The following TEC variants were observed in gnomAD, a reference collection of about 807,000 sequenced individuals.
TEC encodes tec protein tyrosine kinase.
In TEC, 72 loss-of-function variants were observed where a neutral mutation model predicts 93.0. The observed-to-expected ratio is 0.77, with a 90% CI of 0.64 to 0.94. The LOEUF (loss-of-function observed/expected upper bound fraction) is 0.94, where lower values mean the gene tolerates loss of function less well. Ranked by LOEUF, TEC falls within the 40% of genes least tolerant of loss-of-function variation. TEC has a pLI of 0.00. For missense variants in TEC, 630 were observed against 757.9 expected, an observed-to-expected ratio of 0.83 and a Z score of 1.98; for synonymous variants, 249 against 247.7, an observed-to-expected ratio of 1.01 and a Z score of -0.05.
At chr4:48,158,079 T>G (rs1176608363) in intron 8 of TEC, among the ~76,000 whole-genome samples, 2 of 152,180 alleles carry the variant, frequency 1.3e-5, no homozygotes, top group Non-Finnish European at 1.5e-5. Flanking sequence ...TCAGCTCAGC[T>G]CCTCTGGACA....
chr4:48,201,146 T>C (rs1339376249), intron 2 of TEC, among the ~76,000 whole-genome samples: 1 of 152,118 alleles, frequency 6.6e-6, no homozygotes, highest in African/African-American at 2.4e-5. Context: ...CAATAGAACC[T>C]GTTGAGAGTC....
intron 2 of TEC, among the ~76,000 whole-genome samples, chr4:48,199,817 C>T (rs994363876): frequency 5.9e-5 from 9 of 152,210 alleles, no homozygotes; most frequent in Non-Finnish European, 1.2e-4. Context: ...GGCAATATTA[C>T]TAACTTTTCT....
chr4:48,260,824 G>A (rs1328493216), intron 1 of TEC, among the ~76,000 whole-genome samples: 2 of 152,192 alleles, frequency 1.3e-5, no homozygotes, highest in African/African-American at 2.4e-5. Context: ...CTAGAACATT[G>A]CTAAAGATTT....
chr4:48,139,543 T>TA (rs1478249418), intron 15 of TEC, among the ~76,000 whole-genome samples: 2 of 152,208 alleles, frequency 1.3e-5, no homozygotes, highest in Non-Finnish European at 2.9e-5. Flanking sequence ...ATGCCACATG[T>TA]AAATGGTGGA....
intron 2 of TEC, among the ~76,000 whole-genome samples, chr4:48,206,776 A>C (rs1227758775): frequency 1.1e-5 from 1 of 94,144 alleles, no homozygotes; most frequent in East Asian, 4.1e-4. Flanking sequence ...CCTCGTTGCT[A>C]CAAAAAAAAA....
In TEC at chr4:48,140,276, C is replaced by T. The variant is rs62298970; in HGVS notation, c.1535+1079G>A. 3.4e-3 allele frequency among the ~76,000 whole-genome samples: 525 copies of T among 152,296 alleles called. 4 individuals are homozygous for T. Among genetic ancestry groups the T allele is most frequent in the Non-Finnish European group, 6.1e-3 (414 of 68,008 alleles). On this transcript the variant is annotated intron_variant, in intron 15 of 17. Transcript: ENST00000381501. ...TGGCCAGCTACCCTGGCGCTTTTTC[C>T]GTTCCTTGAGCAGGCCAGACGTGTC...
chr4:48,208,773 C>G (rs2457416), intron 2 of TEC, among the ~76,000 whole-genome samples: 95,061 of 152,014 alleles, frequency 0.63, 29,884 homozygotes, highest in Admixed American at 0.68. Flanking sequence ...AATTCCAGGA[C>G]AGCAGGGCAT....
rs145519154 is a variant in TEC at position 48,251,811 on chromosome 4, G to T, written c.-46+17941C>A. Among the ~76,000 whole-genome samples, 713 of 152,316 alleles carry T rather than the reference G, an allele frequency of 4.7e-3. 3 individuals carry two copies. The highest frequency in any genetic ancestry group is 0.016 in the African/African-American group (685 of 41,566). ...CTTTATTGGGGTGACTGCAAAAGGG[G>T]AGGAGGAGTAATTAAAATGGTTTCA... On this transcript the variant is annotated intron_variant, in intron 1 of 17. Transcript: ENST00000381501.
At chr4:48,228,445 A>G in intron 2 of TEC, 32 bp downstream of exon 2, 1 of 1,544,836 alleles carries the variant, frequency 6.5e-7, no homozygotes, top group Non-Finnish European at 8.7e-7. Context: ...TCTACATAGA[A>G]AGCAGAAAAG....
intron 2 of TEC, among the ~76,000 whole-genome samples, chr4:48,211,079 T>G (rs1722884126): frequency 6.6e-6 from 1 of 152,162 alleles, no homozygotes; most frequent in Non-Finnish European, 1.5e-5. Flanking sequence ...CACAGAGAGA[T>G]TAAGTAATTT....
intron 10 of TEC, 148 bp from the exon 11 acceptor site, chr4:48,149,838 G>T (rs1720083070): frequency 1.4e-6 from 1 of 692,022 alleles, no homozygotes; most frequent in Admixed American, 4.0e-5. Context: ...GTTCTTCTTA[G>T]CTTTGTCTTT....
rs968301089 is a variant in TEC at position 48,193,733 on chromosome 4, C to T, written c.139-17547G>A. Among the ~76,000 whole-genome samples the T allele has an allele frequency of 5.3e-5, 8 of 149,626 alleles. No homozygotes were observed. In the East Asian group the frequency reaches 1.2e-3, roughly 22 times the overall value. On this transcript the variant is annotated intron_variant, in intron 2 of 17. Coordinates refer to ENST00000381501, the MANE Select transcript of TEC (RefSeq NM_003215.3). Reference sequence around the variant, plus strand: ...GCACTTTGTTTCTCTAGTAGGACTGCGTGTGTGTTCTGAGGCTGTCCAGTA... The same window carrying T: ...GCACTTTGTTTCTCTAGTAGGACTGTGTGTGTGTTCTGAGGCTGTCCAGTA...
chr4:48,261,899 A>T (rs1449094745), intron 1 of TEC, among the ~76,000 whole-genome samples: 1 of 152,154 alleles, frequency 6.6e-6, no homozygotes, highest in Non-Finnish European at 1.5e-5. Context: ...CATAATGAAT[A>T]CTTACTTCCC....
At chr4:48,265,936 T>C (rs923373871) in intron 1 of TEC, among the ~76,000 whole-genome samples, 3 of 152,174 alleles carry the variant, frequency 2.0e-5, no homozygotes, top group African/African-American at 7.2e-5. Flanking sequence ...ATTTTAGGAC[T>C]GTGGAGGCCA....
At chr4:48,221,359 G>C (rs150197663) in intron 2 of TEC, among the ~76,000 whole-genome samples, 1 of 152,264 alleles carries the variant, frequency 6.6e-6, no homozygotes, top group Admixed American at 6.5e-5. Context: ...GTTCTCACAA[G>C]ATCTGATGGT....
rs534338993 is a variant in TEC, at chr4:48,167,953, G to T, written c.496C>A (p.Arg166=). The T allele has an allele frequency of 3.2e-5, 51 of 1,613,332 alleles. 1 individual carries two copies. The South Asian group carries it at 5.1e-4, about 16-fold the overall frequency. The change falls in exon 7 of 18, where the codon CGA becomes AGA. Residue 166 remains arginine, a splice_region_variant and synonymous_variant. Transcript: ENST00000381501. ...AGTGGAATTGGTGGGGGAGGCCTTCGCTAGACAAGGAAGATAACATTTGAA... is the reference window on the plus strand; with the variant it reads ...AGTGGAATTGGTGGGGGAGGCCTTCTCTAGACAAGGAAGATAACATTTGAA... ...ALPPAPETKK[R]RPPPPIPLEE...
At chr4:48,163,156 T>G (rs190024351) in intron 8 of TEC, among the ~76,000 whole-genome samples, 8 of 152,290 alleles carry the variant, frequency 5.3e-5, no homozygotes, top group Admixed American at 1.3e-4. Flanking sequence ...GCTTGATACA[T>G]GCTAAGATCT....
At chr4:48,219,692 C>T (rs776102969) in intron 2 of TEC, among the ~76,000 whole-genome samples, 1 of 152,182 alleles carries the variant, frequency 6.6e-6, no homozygotes, top group Non-Finnish European at 1.5e-5. Context: ...ACTGTAATCA[C>T]GTGATTTGCT....
Position 48,138,911 on chromosome 4 carries a change from C to A in TEC, c.1647G>T (p.Trp549Cys). Residue 549 changes from tryptophan to cysteine, a missense_variant, in exon 16 of 18, where the codon TGG becomes TGT. This residue lies in a region of TEC where 289 missense variants were observed against 390.0 expected (regional missense o/e 0.74). Coordinates refer to ENST00000381501, the MANE Select transcript of TEC (RefSeq NM_003215.3). ...AGGAAACATGGATCTTACCAAATGACCAGACATCTGATTTGCTGCTGAAGC... is the reference window on the plus strand; with the variant it reads ...AGGAAACATGGATCTTACCAAATGAACAGACATCTGATTTGCTGCTGAAGC... ...YSRFSSKSDV[W>C]SFGVLMWEVF... 1 of 1,614,178 alleles carries A rather than the reference C, an allele frequency of 6.2e-7. No homozygotes were observed. The highest frequency in any genetic ancestry group is 8.5e-7 in the Non-Finnish European group (1 of 1,180,016).
Sources: gnomAD v4.1 joint callset for allele counts (sites outside exome capture counted in the v4.1 genomes callset) on GRCh38, gnomAD v4.1.1 for gene constraint, gnomAD v4.1.1 regional missense constraint, MANE v1.5 for transcripts, NCBI Gene and HGNC (gene_info 2026-07-23, HGNC 2026-07-21) for gene names.